The following REN variants were observed in gnomAD, a reference collection of about 807,000 sequenced individuals.
REN encodes angiotensin-forming enzyme.
REN carries 42 observed loss-of-function variants against 48.6 expected under a neutral mutation model. The ratio of observed to expected loss-of-function variants is 0.86; its 90% CI spans 0.68 to 1.12. REN has a LOEUF of 1.12. REN is among the 50% of genes most tolerant of loss of function. The pLI is 0.00. For missense variants in REN, 443 were observed against 527.3 expected (o/e 0.84, Z 1.57); for synonymous variants, 196 against 204.6 (o/e 0.96, Z 0.36).
At chr1:204,157,168 C>A (rs967164620) in intron 6 of REN, among the ~76,000 whole-genome samples, 193 bp downstream of exon 6, 1 of 152,102 alleles carries the variant, frequency 6.6e-6, no homozygotes, top group East Asian at 1.9e-4. Flanking sequence ...TGGGAGGGGA[C>A]CCTGGGGAGG....
rs533641532 is a variant in REN at position 204,159,133 on chromosome 1, G to A, written c.689+266C>T. ...CTATCTGCACTGTCATAAGACTGTA[G>A]TTACTAGCCACCGTGGCTGCCAGGC... On this transcript the variant is annotated intron_variant, in intron 5 of 9. Coordinates refer to ENST00000272190, the MANE Select transcript of REN (RefSeq NM_000537.4). 7.2e-5 allele frequency among the ~76,000 whole-genome samples: 11 copies of A among 152,298 alleles called. 1 individual carries two copies. In the South Asian group the frequency reaches 2.3e-3, roughly 32 times the overall value.
intron 1 of REN, among the ~76,000 whole-genome samples, chr1:204,163,463 C>A (rs535627366): frequency 6.6e-6 from 1 of 152,218 alleles, no homozygotes; most frequent in Non-Finnish European, 1.5e-5. Flanking sequence ...CAGCTGGGAA[C>A]GTGGAGGGTC....
chr1:204,160,326 A>G (rs932575158), intron 4 of REN, among the ~76,000 whole-genome samples: 5 of 152,206 alleles, frequency 3.3e-5, no homozygotes, highest in African/African-American at 4.8e-5. Context: ...TGCAAGTTAG[A>G]TGCAAAAACA....
chr1:204,155,089 GC>G lies in REN; in HGVS notation c.1147del (p.Ala383ProfsTer80). ...TGTGTAGAACTTTCGGATGAAGGTGGCCCCCAGGGCCCAGGTGGGTCCAGTG... is the reference window on the plus strand; with the variant it reads ...TGTGTAGAACTTTCGGATGAAGGTGGCCCCAGGGCCCAGGTGGGTCCAGTG... The part of the protein sequence containing the change: ...PPTGPTWALG[A>X]TFIRKFYTEF... On this transcript the variant is annotated frameshift_variant, in exon 10 of 10. Coordinates refer to ENST00000272190, the MANE Select transcript of REN (RefSeq NM_000537.4). LOFTEE classifies it high-confidence loss of function. 1 of 1,614,086 alleles carries G rather than the reference GC, an allele frequency of 6.2e-7. No individual in the cohort carries two copies. Among genetic ancestry groups the G allele is most frequent in the Non-Finnish European group, 8.5e-7 (1 of 1,179,996 alleles).
intron 1 of REN, among the ~76,000 whole-genome samples, chr1:204,163,931 C>T (rs535566205): frequency 1.3e-5 from 2 of 152,290 alleles, no homozygotes; most frequent in East Asian, 1.9e-4. Context: ...TGAAACCATG[C>T]GACCACTGCT....
intron 1 of REN, among the ~76,000 whole-genome samples, chr1:204,164,391 CAT>C: frequency 6.6e-6 from 1 of 152,246 alleles, no homozygotes; most frequent in East Asian, 1.9e-4. Context: ...TGAGATGAGA[CAT>C]GTGAAAAGAT....
Position 204,155,811 on chromosome 1 carries a change from G to T in REN, c.1059+9C>A, listed in dbSNP as rs769946411. The T allele has an allele frequency of 1.2e-6, 2 of 1,610,644 alleles. No homozygotes were observed. Among genetic ancestry groups the T allele is most frequent in the Admixed American group, 1.7e-5 (1 of 59,790 alleles). ...TCCCTGCCACCGAGGGGGCCGACTCGAACCTCACCTGAAATACATAGTCCG... is the reference window on the plus strand; with the variant it reads ...TCCCTGCCACCGAGGGGGCCGACTCTAACCTCACCTGAAATACATAGTCCG... On this transcript the variant is annotated intron_variant, in intron 9 of 9. Coordinates refer to ENST00000272190, the MANE Select transcript of REN (RefSeq NM_000537.4).
chr1:204,164,563 G>GTTTTT (rs1658309910), intron 1 of REN, among the ~76,000 whole-genome samples: 2 of 102,802 alleles, frequency 1.9e-5, no homozygotes, highest in Non-Finnish European at 3.9e-5. Context: ...CCCTTCTTCA[G>GTTTTT]TCTTTTTTTT....
chr1:204,158,099 A>ACCCCCCC (rs60405376), intron 5 of REN, among the ~76,000 whole-genome samples: 1 of 142,972 alleles, frequency 7.0e-6, no homozygotes, highest in Non-Finnish European at 1.5e-5. Context: ...TCTGGATCTC[A>ACCCCCCC]CCCCCCACGC....
Position 204,156,578 on chromosome 1 carries a change from G to T in REN, c.818+99C>A. 1 of 1,535,562 alleles carries T rather than the reference G, an allele frequency of 6.5e-7. No individual in the cohort carries two copies. Among genetic ancestry groups the T allele is most frequent in the Non-Finnish European group, 9.0e-7 (1 of 1,111,304 alleles). On this transcript the variant is annotated intron_variant, in intron 7 of 9. Coordinates refer to ENST00000272190, the MANE Select transcript of REN (RefSeq NM_000537.4). This position sits in a 1 kb window ranked among gnomAD's most constrained non-coding sequence, Gnocchi z 4.2. ...CTGTGCTTAAGAAGTGGCTGCATTT[G>T]GAAAGAGGGCAGGATGGTAATGCAG...
intron 3 of REN, among the ~76,000 whole-genome samples, chr1:204,161,043 A>C (rs1024717757): frequency 1.3e-5 from 2 of 152,114 alleles, no homozygotes; most frequent in Non-Finnish European, 1.5e-5. Context: ...TCTCAATCTC[A>C]GGAAGACTGG....
At chr1:204,163,597 C>T (rs923257383) in intron 1 of REN, among the ~76,000 whole-genome samples, 4 of 152,074 alleles carry the variant, frequency 2.6e-5, no homozygotes, top group African/African-American at 7.2e-5. Context: ...CCTTTTCCCC[C>T]CAGTTCTTTA....
rs1171689078 is a variant in REN at position 204,156,658 on chromosome 1, A to G, written c.818+19T>C. On this transcript the variant is annotated intron_variant, in intron 7 of 9. Coordinates refer to ENST00000272190, the MANE Select transcript of REN (RefSeq NM_000537.4). This position sits in a 1 kb window ranked among gnomAD's most constrained non-coding sequence, Gnocchi z 4.2. The stretch of plus-strand genomic sequence containing the variant: ...CGGCAGCATTTTTTGGAGCCCGGGG[A>G]GGGTTGAGGATTTCTGACCCCTTCA... 2.1e-6 allele frequency: 3 copies of G among 1,428,162 alleles called. No homozygotes were observed. In the Admixed American group the frequency reaches 5.5e-5, roughly 26 times the overall value. 88.5% of individuals were successfully genotyped at this position (1,428,162 alleles called of 1,614,324 possible).
chr1:204,155,245 C>G, intron 9 of REN, 68 bp from the exon 10 acceptor site: 1 of 1,567,224 alleles, frequency 6.4e-7, no homozygotes, highest in Non-Finnish European at 8.8e-7. Flanking sequence ...TTGCCTGACC[C>G]CCAGCAACTG....
chr1:204,164,569 T>C (rs11581713), intron 1 of REN, among the ~76,000 whole-genome samples: 4 of 135,822 alleles, frequency 2.9e-5, no homozygotes, highest in Non-Finnish European at 6.2e-5. Flanking sequence ...TTCAGTCTTT[T>C]TTTTTTTTTT....
chr1:204,157,475 C>A, intron 5 of REN, 106 bp from the exon 6 acceptor site: 1 of 1,510,700 alleles, frequency 6.6e-7, no homozygotes, highest in South Asian at 1.1e-5. Flanking sequence ...GCCCTTCAGG[C>A]AATGGAGTCA....
intron 1 of REN, among the ~76,000 whole-genome samples, chr1:204,163,967 A>G (rs1304734195): frequency 6.6e-6 from 1 of 152,220 alleles, no homozygotes; most frequent in East Asian, 1.9e-4. Context: ...GTAGGTGTGT[A>G]TATGTACATG....
Position 204,156,147 on chromosome 1 carries a change from C to T in REN, c.960+31G>A. The T allele has an allele frequency of 6.2e-7, 1 of 1,614,076 alleles. No individual in the cohort carries two copies. The highest frequency in any genetic ancestry group is 8.5e-7 in the Non-Finnish European group (1 of 1,180,018). On this transcript the variant is annotated intron_variant, in intron 8 of 9. Coordinates refer to ENST00000272190, the MANE Select transcript of REN (RefSeq NM_000537.4). This position sits in a 1 kb window ranked among gnomAD's most constrained non-coding sequence, Gnocchi z 4.2. ...CCGATACCAGGTGGCGCTCCCCCCA[C>T]CCACAGCACCTTCCCTCTTTGGCTT...
intron 3 of REN, among the ~76,000 whole-genome samples, 163 bp downstream of exon 3, chr1:204,161,129 G>A (rs543189340): frequency 2.6e-4 from 39 of 152,080 alleles, no homozygotes; most frequent in African/African-American, 8.7e-4. Flanking sequence ...TCAGAAAAAC[G>A]GGAGACATCT....
Sources: gnomAD v4.1 joint callset for allele counts (sites outside exome capture counted in the v4.1 genomes callset) on GRCh38, gnomAD v4.1.1 for gene constraint, Gnocchi (gnomAD v3.1) non-coding constraint, MANE v1.5 for transcripts, NCBI Gene and HGNC (gene_info 2026-07-23, HGNC 2026-07-21) for gene names.